ZNF574: variants seen among roughly 807,000 people sequenced by gnomAD.
ZNF574 encodes the protein zinc finger protein 574.
ZNF574 carries 25 observed loss-of-function variants against 56.6 expected under a neutral mutation model. The ratio of observed to expected loss-of-function variants is 0.44; its 90% CI spans 0.32 to 0.62. The LOEUF (loss-of-function observed/expected upper bound fraction) is 0.62, where lower values mean the gene tolerates loss of function less well. Among genes scored for constraint, ZNF574 ranks in the 20% least tolerant of loss-of-function variants. The probability of loss-of-function intolerance (pLI) is 0.04; values close to 1 mark genes in which losing one functional copy is unlikely to be tolerated. For synonymous variants in ZNF574, 543 were observed against 492.1 expected (o/e 1.10, Z -1.37); for missense variants, 1,065 against 1,218.9 (o/e 0.87, Z 1.88).
chr19:42,074,516 A>G (rs1005759607), upstream of ZNF574, among the ~76,000 whole-genome samples: 1 of 151,782 alleles, frequency 6.6e-6, no homozygotes, highest in Non-Finnish European at 1.5e-5. Flanking sequence ...TAAAATGAGT[A>G]ACTCCTAGAT....
chr19:42,080,571 C>T lies in ZNF574; in HGVS notation c.1965C>T (p.Arg655=), dbSNP rs139617203. The change falls in exon 2 of 2, where the codon CGC becomes CGT. Residue 655 remains arginine, a synonymous_variant. Coordinates refer to ENST00000359044, the MANE Select transcript of ZNF574 (RefSeq NM_022752.6). This position sits in a 1 kb window ranked among gnomAD's most constrained non-coding sequence, Gnocchi z 8.5. ...FPSSLRLREH[R]CAAAAAQAPR... ...CCTCACTGCGGCTCCGGGAGCACCGCTGTGCAGCCGCTGCTGCCCAGGCCC... is the reference window on the plus strand; with the variant it reads ...CCTCACTGCGGCTCCGGGAGCACCGTTGTGCAGCCGCTGCTGCCCAGGCCC... The T allele has an allele frequency of 5.6e-6, 9 of 1,612,750 alleles. No homozygotes were observed. In the African/African-American group the frequency reaches 1.2e-4, roughly 22 times the overall value.
chr19:42,075,775 TGTCCCCAACGCTGACTCCCTCACGGC>T (rs142104562), upstream of ZNF574, among the ~76,000 whole-genome samples: 13,262 of 152,226 alleles, frequency 0.087, 773 homozygotes, highest in South Asian at 0.16. Flanking sequence ...TCCCTCTCCC[TGTCCCCAACGCTGACTCCCTCACGGC>T]GTCCCCAAAA....
In ZNF574 at chr19:42,079,018, C is replaced by T; in HGVS notation, c.412C>T (p.Gln138Ter). Reference protein sequence around the residue: ...CVDCKALFASQELWLNHRQTH... With the variant: ...CVDCKALFAS Reference sequence around the variant, plus strand: ...GGATTGCAAGGCTCTCTTTGCCAGCCAGGAGCTCTGGCTGAACCACCGGCA... The same window carrying T: ...GGATTGCAAGGCTCTCTTTGCCAGCTAGGAGCTCTGGCTGAACCACCGGCA... The change falls in exon 2 of 2, where the codon CAG becomes TAG. Residue 138 changes from glutamine (Q) to a stop codon, truncating the protein, a stop_gained. Transcript: ENST00000359044. LOFTEE classifies it high-confidence loss of function. This position sits in a 1 kb window ranked among gnomAD's most constrained non-coding sequence, Gnocchi z 4.3. The T allele has an allele frequency of 6.2e-7, 1 of 1,614,118 alleles. No individual in the cohort carries two copies. The highest frequency in any genetic ancestry group is 8.5e-7 in the Non-Finnish European group (1 of 1,180,000).
chr19:42,069,660 C>T (rs1186238727), intron 1 of ZNF574, among the ~76,000 whole-genome samples: 1 of 148,596 alleles, frequency 6.7e-6, no homozygotes, highest in Non-Finnish European at 1.5e-5. Flanking sequence ...CCTGGGGGGG[C>T]CACAGGGGGC....
chr19:42,073,658 C>A (rs557759463), upstream of ZNF574, among the ~76,000 whole-genome samples: 1 of 151,370 alleles, frequency 6.6e-6, no homozygotes, highest in Non-Finnish European at 1.5e-5. Flanking sequence ...CCCATCTCTA[C>A]CAAAAACTAG....
chr19:42,072,232 TTTTC>T (rs2076429506), upstream of ZNF574, among the ~76,000 whole-genome samples: 2 of 148,078 alleles, frequency 1.4e-5, no homozygotes, highest in South Asian at 2.1e-4. Context: ...TTTTTTTTCC[TTTTC>T]TTTTTTTTTT....
rs749985354 is a variant in ZNF574 at position 42,079,757 on chromosome 19, G to A, written c.1151G>A (p.Arg384Gln). The A allele has an allele frequency of 1.1e-5, 18 of 1,613,984 alleles. No individual in the cohort carries two copies. Among genetic ancestry groups the A allele is most frequent in the Non-Finnish European group, 1.3e-5 (15 of 1,179,978 alleles). Residue 384 changes from arginine (R) to glutamine (Q), a missense_variant, in exon 2 of 2, where the codon CGA becomes CAA. Physicochemically the swap from Arg to Gln is conservative, Grantham distance 43. Transcript: ENST00000359044. The surrounding 1 kb of genome is among the most constrained non-coding windows in gnomAD (Gnocchi z 4.3). ...GAGGCCCTCCTCCTGGCCCACCGGC[G>A]AGCCCACACCCCGAATCCTCTGCAT... ...GTEALLLAHR[R>Q]AHTPNPLHSC...
chr19:42,073,189 T>C (rs547235398), upstream of ZNF574, among the ~76,000 whole-genome samples: 2 of 152,322 alleles, frequency 1.3e-5, no homozygotes, highest in South Asian at 4.1e-4. Flanking sequence ...GAATCCTGAC[T>C]CTTCCTAACT....
upstream of ZNF574, among the ~76,000 whole-genome samples, chr19:42,072,808 G>T (rs1193799086): frequency 1.3e-5 from 2 of 151,896 alleles, no homozygotes; most frequent in East Asian, 3.9e-4. Context: ...TCGGGTGATC[G>T]GCCTGTCTCG....
Position 42,079,571 on chromosome 19 carries a change from A to G in ZNF574, c.965A>G (p.His322Arg). ...TGTGACCAGCTCTTTCTCTCACCCCACCAGCTACAGCAGCACCTGCGGAGT... is the reference window on the plus strand; with the variant it reads ...TGTGACCAGCTCTTTCTCTCACCCCGCCAGCTACAGCAGCACCTGCGGAGT... Reference protein sequence around the residue: ...SACDQLFLSPHQLQQHLRSHR... With the variant: ...SACDQLFLSPRQLQQHLRSHR... The change falls in exon 2 of 2, where the codon CAC (histidine) becomes CGC (arginine). Residue 322 changes from histidine (H) to arginine (R), a missense_variant. By Grantham distance (29) the His-to-Arg change is conservative. Coordinates refer to ENST00000359044, the MANE Select transcript of ZNF574 (RefSeq NM_022752.6). The surrounding 1 kb of genome is among the most constrained non-coding windows in gnomAD (Gnocchi z 4.3). 4 of 1,614,048 alleles carry G rather than the reference A, an allele frequency of 2.5e-6. No homozygotes were observed. Among genetic ancestry groups the G allele is most frequent in the Non-Finnish European group, 2.5e-6 (3 of 1,179,986 alleles).
chr19:42,074,501 AAAAAT>A (rs1470660257), upstream of ZNF574, among the ~76,000 whole-genome samples: 10 of 149,392 alleles, frequency 6.7e-5, no homozygotes, highest in African/African-American at 1.5e-4. Context: ...AAAATAAAAT[AAAAAT>A]AAAATGAGTA....
At position 42,079,153 on chromosome 19, in the gene ZNF574, T is replaced by C. The variant is rs1396744890; in HGVS notation, c.547T>C (p.Tyr183His). 2.5e-5 allele frequency: 40 copies of C among 1,613,930 alleles called. No individual in the cohort carries two copies. The East Asian group carries it at 8.0e-4, about 32-fold the overall frequency. Residue 183 changes from tyrosine to histidine, a missense_variant, in exon 2 of 2, where the codon TAC becomes CAC. By Grantham distance (83) the Tyr-to-His change is moderately conservative. Transcript: ENST00000359044. This position sits in a 1 kb window ranked among gnomAD's most constrained non-coding sequence, Gnocchi z 4.3. ...GGCCCGAGTGGCTGTGGAGCACTCA[T>C]ACCGAAAGGCAGAAGAGGGTGGGGA... ...GQARVAVEHS[Y>H]RKAEEGGEGA...
chr19:42,078,053 T>C (rs974400088), intron 1 of ZNF574, among the ~76,000 whole-genome samples: 19 of 151,744 alleles, frequency 1.3e-4, no homozygotes, highest in African/African-American at 4.4e-4. Context: ...TGGTGGGGCA[T>C]TGGGCAGTTT....
In ZNF574 at chr19:42,080,177, C is replaced by G; in HGVS notation, c.1571C>G (p.Pro524Arg). ...LRTHTGERPF[P>R]CPDCSKPFNS... is the part of the protein sequence containing the mutation. ...ACACACACAGGGGAGCGGCCCTTCC[C>G]CTGCCCTGACTGCTCCAAGCCCTTC... The change falls in exon 2 of 2, where the codon CCC becomes CGC. Residue 524 changes from proline (P) to arginine (R), a missense_variant. Coordinates refer to ENST00000359044, the MANE Select transcript of ZNF574 (RefSeq NM_022752.6). The surrounding 1 kb of genome is among the most constrained non-coding windows in gnomAD (Gnocchi z 8.5). 1 of 1,613,774 alleles carries G rather than the reference C, an allele frequency of 6.2e-7. No individual in the cohort carries two copies. The highest frequency in any genetic ancestry group is 1.1e-5 in the South Asian group (1 of 91,068).
chr19:42,080,241 C>T lies in ZNF574; in HGVS notation c.1635C>T (p.His545=), dbSNP rs760030170. The part of the protein sequence containing the change: ...PANLARHRLT[H]TGERPYRCGD... ...ACCTGGCCCGCCACCGGCTCACACA[C>T]ACAGGAGAGCGGCCCTACCGGTGTG... Residue 545 remains histidine, a synonymous_variant, in exon 2 of 2, where the codon CAC becomes CAT. Coordinates refer to ENST00000359044, the MANE Select transcript of ZNF574 (RefSeq NM_022752.6). This position sits in a 1 kb window ranked among gnomAD's most constrained non-coding sequence, Gnocchi z 8.5. 5 of 1,614,174 alleles carry T rather than the reference C, an allele frequency of 3.1e-6. No individual in the cohort carries two copies. The highest frequency in any genetic ancestry group is 1.7e-5 in the Admixed American group (1 of 60,024).
At position 42,078,987 on chromosome 19, in the gene ZNF574, G is replaced by A. The variant is rs2076474764; in HGVS notation, c.381G>A (p.Glu127=). The A allele has an allele frequency of 1.2e-6, 2 of 1,614,146 alleles. No homozygotes were observed. Among genetic ancestry groups the A allele is most frequent in the Non-Finnish European group, 1.7e-6 (2 of 1,180,016 alleles). The change falls in exon 2 of 2, where the codon GAG becomes GAA. Residue 127 remains glutamate (E), a synonymous_variant. Coordinates refer to ENST00000359044, the MANE Select transcript of ZNF574 (RefSeq NM_022752.6). ...PPLSSSTIHY[E]CVDCKALFAS... Reference sequence around the variant, plus strand: ...TGAGCTCCAGCACCATCCACTACGAGTGTGTGGATTGCAAGGCTCTCTTTG... The same window carrying A: ...TGAGCTCCAGCACCATCCACTACGAATGTGTGGATTGCAAGGCTCTCTTTG...
intron 1 of ZNF574, among the ~76,000 whole-genome samples, chr19:42,069,824 C>T (rs981627057): frequency 2.0e-5 from 3 of 151,970 alleles, no homozygotes; most frequent in Non-Finnish European, 4.4e-5. Context: ...AGCCCTCAGC[C>T]CCCACGGGAA....
exon 1 of ZNF574, chr19:42,068,959 G>A (rs746820689): frequency 3.5e-5 from 21 of 604,198 alleles, no homozygotes; most frequent in South Asian, 2.3e-4. Flanking sequence ...CCAGGGGCCC[G>A]GGGTAAGTGA....
upstream of ZNF574, among the ~76,000 whole-genome samples, chr19:42,071,556 C>G (rs1229138502): frequency 2.0e-5 from 3 of 152,150 alleles, no homozygotes; most frequent in Non-Finnish European, 2.9e-5. Flanking sequence ...ATATCTGACG[C>G]TGAAGGACCA....
Sources: allele counts gnomAD v4.1 joint callset (sites outside exome capture counted in the v4.1 genomes callset), GRCh38; gene constraint gnomAD v4.1.1; non-coding constraint Gnocchi (gnomAD v3.1); transcripts MANE v1.5; gene names NCBI Gene and HGNC (gene_info 2026-07-23, HGNC 2026-07-21).